Variants in GRIA4 observed in about 807,000 individuals in gnomAD.
GRIA4 encodes the protein glutamate receptor 4.
A neutral mutation model predicts 104.0 loss-of-function variants in GRIA4; 34 were observed. The ratio of observed to expected loss-of-function variants is 0.33; its 90% CI spans 0.25 to 0.44. The LOEUF (loss-of-function observed/expected upper bound fraction) is 0.44. Among genes scored for constraint, GRIA4 ranks in the 20% least tolerant of loss-of-function variants. The pLI is 1.00. For synonymous variants in GRIA4, 386 were observed against 381.9 expected (o/e 1.01, Z -0.13); for missense variants, 750 against 1,096.5 (o/e 0.68, Z 4.46).
chr11:105,854,722 G>A (rs990623110), intron 4 of GRIA4, among the ~76,000 whole-genome samples: 2 of 152,092 alleles, frequency 1.3e-5, no homozygotes, highest in Admixed American at 6.6e-5. Flanking sequence ...GATTGTGAGA[G>A]AAAGAATGGA....
At chr11:105,683,327 T>A (rs1172708093) in intron 3 of GRIA4, among the ~76,000 whole-genome samples, 1 of 151,806 alleles carries the variant, frequency 6.6e-6, no homozygotes, top group East Asian at 1.9e-4. Flanking sequence ...TCTCTGTTTA[T>A]ATGCAGAATT....
intron 4 of GRIA4, among the ~76,000 whole-genome samples, chr11:105,764,501 T>A (rs965603839): frequency 6.6e-5 from 10 of 152,144 alleles, no homozygotes; most frequent in Admixed American, 2.0e-4. Context: ...CAATTATATA[T>A]GAAATAAATG....
At chr11:105,890,154 A>G (rs1360878253) in intron 6 of GRIA4, among the ~76,000 whole-genome samples, 1 of 152,206 alleles carries the variant, frequency 6.6e-6, no homozygotes, top group Non-Finnish European at 1.5e-5. Flanking sequence ...GCAGACATCA[A>G]TATGGGATGC....
At chr11:105,963,076 C>A (rs1357101009) in intron 14 of GRIA4, among the ~76,000 whole-genome samples, 2 of 152,000 alleles carry the variant, frequency 1.3e-5, no homozygotes, top group Non-Finnish European at 2.9e-5. Context: ...TGTGCTGCAG[C>A]GAGTATCTGC....
intron 3 of GRIA4, among the ~76,000 whole-genome samples, chr11:105,658,436 A>T (rs1951908055): frequency 6.6e-6 from 1 of 151,864 alleles, no homozygotes; most frequent in African/African-American, 2.4e-5. Flanking sequence ...AAAATAATAT[A>T]TTGCATCATA....
chr11:105,731,472 T>C (rs926723281), intron 3 of GRIA4, among the ~76,000 whole-genome samples: 5 of 152,172 alleles, frequency 3.3e-5, no homozygotes, highest in Non-Finnish European at 2.9e-5. Context: ...GTGTGGCGAT[T>C]CCTCAAGGAA....
Position 105,974,396 on chromosome 11 carries a change from T to G in GRIA4, c.2496T>G (p.Ala832=). ...VGGLGLAMLV[A]LIEFCYKSRA... ...GCTTGGGCTTGGCAATGCTGGTGGC[T>G]TTGATAGAGTTCTGTTACAAGTCCA... Residue 832 remains alanine (A), a synonymous_variant, in exon 16 of 17, where the codon GCT becomes GCG. Coordinates refer to ENST00000282499, the MANE Select transcript of GRIA4 (RefSeq NM_000829.4). The G allele has an allele frequency of 1.2e-6, 2 of 1,613,958 alleles. No individual in the cohort carries two copies. The highest frequency in any genetic ancestry group is 1.7e-6 in the Non-Finnish European group (2 of 1,179,902).
chr11:105,924,555 T>C lies in GRIA4; in HGVS notation c.1633T>C (p.Tyr545His), dbSNP rs201195221. The C allele has an allele frequency of 6.2e-7, 1 of 1,613,116 alleles. No homozygotes were observed. Among genetic ancestry groups the C allele is most frequent in the Non-Finnish European group, 8.5e-7 (1 of 1,179,396 alleles). The change falls in exon 12 of 17, where the codon TAT (tyrosine) becomes CAT (histidine). Residue 545 changes from tyrosine to histidine, a missense_variant. Around this residue, in one of 3 missense-constraint regions of GRIA4, gnomAD observed 272 missense variants for 524.5 expected, o/e 0.52. Transcript: ENST00000282499. The stretch of plus-strand genomic sequence containing the variant: ...GTTTTCCTTCTTGGATCCTCTGGCC[T>C]ATGAGATTTGGATGTGCATAGTCTT... Reference protein sequence around the residue: ...GVFSFLDPLAYEIWMCIVFAY... With the variant: ...GVFSFLDPLAHEIWMCIVFAY...
At chr11:105,785,144 G>A (rs1941903543) in intron 4 of GRIA4, among the ~76,000 whole-genome samples, 1 of 152,096 alleles carries the variant, frequency 6.6e-6, no homozygotes, top group African/African-American at 2.4e-5. Flanking sequence ...GGTTCTTGCT[G>A]GTGCATACTA....
At chr11:105,648,610 C>T (rs1054074927) in intron 3 of GRIA4, among the ~76,000 whole-genome samples, 2 of 150,746 alleles carry the variant, frequency 1.3e-5, no homozygotes, top group African/African-American at 4.9e-5. Context: ...AAAGAAAGAA[C>T]TAGGAAGGGA....
chr11:105,874,142 C>T (rs1945727544), intron 5 of GRIA4, among the ~76,000 whole-genome samples: 1 of 152,142 alleles, frequency 6.6e-6, no homozygotes, highest in South Asian at 2.1e-4. Flanking sequence ...TATGGCTAGC[C>T]AGTTTTCCCA....
At chr11:105,634,736 A>G (rs1409327631) in intron 3 of GRIA4, among the ~76,000 whole-genome samples, 1 of 152,188 alleles carries the variant, frequency 6.6e-6, no homozygotes, top group Non-Finnish European at 1.5e-5. Flanking sequence ...CCATTTTCAA[A>G]TCTTCAGATT....
At chr11:105,958,692 C>A (rs746040236) in intron 14 of GRIA4, among the ~76,000 whole-genome samples, 1 of 152,064 alleles carries the variant, frequency 6.6e-6, no homozygotes, top group Non-Finnish European at 1.5e-5. Flanking sequence ...AGGAATGGCA[C>A]CAGCTCCTCT....
chr11:105,668,826 C>CTCATCATTT (rs1442817943), intron 3 of GRIA4, among the ~76,000 whole-genome samples: 4 of 151,848 alleles, frequency 2.6e-5, no homozygotes, highest in African/African-American at 9.7e-5. Context: ...TTGATACAAT[C>CTCATCATTT]TCATCATTTT....
At chr11:105,822,174 A>G (rs1943598658) in intron 4 of GRIA4, among the ~76,000 whole-genome samples, 1 of 152,130 alleles carries the variant, frequency 6.6e-6, no homozygotes, top group Non-Finnish European at 1.5e-5. Context: ...TAATATAAAT[A>G]TAATTTCATG....
intron 3 of GRIA4, among the ~76,000 whole-genome samples, chr11:105,671,639 C>G (rs1952371280): frequency 1.7e-5 from 2 of 120,334 alleles, no homozygotes; most frequent in Non-Finnish European, 3.2e-5. Flanking sequence ...GATCACACCA[C>G]TGCACTCCAG....
intron 5 of GRIA4, among the ~76,000 whole-genome samples, chr11:105,875,312 T>C (rs1159378395): frequency 6.6e-6 from 1 of 152,196 alleles, no homozygotes; most frequent in Admixed American, 6.5e-5. Context: ...TGGATTCGGA[T>C]TGCCAGTATT....
intron 3 of GRIA4, among the ~76,000 whole-genome samples, chr11:105,617,694 G>T (rs111756556): frequency 6.6e-6 from 1 of 152,028 alleles, no homozygotes; most frequent in African/African-American, 2.4e-5. Flanking sequence ...TCATTCATTA[G>T]ATAAGATAAT....
At chr11:105,737,988 A>G (rs764671779) in intron 3 of GRIA4, among the ~76,000 whole-genome samples, 7 of 152,070 alleles carry the variant, frequency 4.6e-5, no homozygotes, top group Non-Finnish European at 8.8e-5. Flanking sequence ...CTCACACACC[A>G]TGGGTATATA....
Sources: gnomAD v4.1 joint callset for allele counts (sites outside exome capture counted in the v4.1 genomes callset) on GRCh38, gnomAD v4.1.1 for gene constraint, gnomAD v4.1.1 regional missense constraint, MANE v1.5 for transcripts, NCBI Gene and HGNC (gene_info 2026-07-23, HGNC 2026-07-21) for gene names.